ZNF92: variants seen among roughly 807,000 people sequenced by gnomAD.
The protein encoded by ZNF92 is zinc finger protein 92, also known as epididymis luminal protein 203.
A neutral mutation model predicts 12.4 loss-of-function variants in ZNF92; 11 were observed. The observed-to-expected ratio is 0.89, with a 90% CI of 0.56 to 1.47. The LOEUF (loss-of-function observed/expected upper bound fraction) is 1.47. ZNF92 is among the 40% of genes most tolerant of loss of function. The pLI, the probability that ZNF92 is intolerant of heterozygous loss-of-function variation, is 0.00. For synonymous variants in ZNF92, 206 were observed against 228.6 expected, an observed-to-expected ratio of 0.90 and a Z score of 0.89; for missense variants, 622 against 681.0, an observed-to-expected ratio of 0.91 and a Z score of 0.96.
intron 1 of ZNF92, among the ~76,000 whole-genome samples, chr7:65,384,634 A>G (rs1793513584): frequency 6.6e-6 from 1 of 152,174 alleles, no homozygotes; most frequent in Non-Finnish European, 1.5e-5. Flanking sequence ...TCCACAAGCC[A>G]CAAACAAGTA....
rs531340809 is a variant in ZNF92 at position 65,395,823 on chromosome 7, A to G, written c.227-2518A>G. Among the ~76,000 whole-genome samples the G allele has an allele frequency of 1.1e-4, 17 of 152,262 alleles. 1 individual carries two copies. Among genetic ancestry groups the G allele is most frequent in the African/African-American group, 4.1e-4 (17 of 41,560 alleles). On this transcript the variant is annotated intron_variant, in intron 3 of 3. Coordinates refer to ENST00000328747, the MANE Select transcript of ZNF92 (RefSeq NM_152626.4). ...TCACCCAATTGTGGTTGCAATTTGT[A>G]TAGATATAGATCTTTTTCATTCTGT...
chr7:65,387,186 C>T (rs566476006), intron 1 of ZNF92, among the ~76,000 whole-genome samples: 175 of 151,860 alleles, frequency 1.2e-3, no homozygotes, highest in African/African-American at 4.1e-3. Context: ...AGGTGATCCG[C>T]CCACCGCAGC....
At chr7:65,398,182 AT>A (rs1263962119) in intron 3 of ZNF92, among the ~76,000 whole-genome samples, 158 bp from the exon 4 acceptor site, 1 of 152,028 alleles carries the variant, frequency 6.6e-6, no homozygotes. Context: ...TGGTCAGTAT[AT>A]TTTTGTTACA....
chr7:65,381,408 G>A (rs1442831808), intron 1 of ZNF92, among the ~76,000 whole-genome samples: 1 of 151,552 alleles, frequency 6.6e-6, no homozygotes, highest in African/African-American at 2.4e-5. Flanking sequence ...TATGGATTCT[G>A]GATATTAGAC....
rs1319383834 is a variant in ZNF92, at chr7:65,398,785, C to T, written c.671C>T (p.Thr224Ile). ...CTTACTAAACATAAGATAATTCATA[C>T]TGGAGAAAAACCCTACAAATGTGAA... ...STLTKHKIIH[T>I]GEKPYKCEEC... Residue 224 changes from threonine (T) to isoleucine (I), a missense_variant, in exon 4 of 4, where the codon ACT becomes ATT. Coordinates refer to ENST00000328747, the MANE Select transcript of ZNF92 (RefSeq NM_152626.4). 6.2e-7 allele frequency: 1 copy of T among 1,613,084 alleles called. No individual in the cohort carries two copies. The highest frequency in any genetic ancestry group is 1.7e-5 in the Admixed American group (1 of 60,002).
At chr7:65,383,216 T>A (rs1283196192) in intron 1 of ZNF92, among the ~76,000 whole-genome samples, 1 of 152,152 alleles carries the variant, frequency 6.6e-6, no homozygotes, top group Non-Finnish European at 1.5e-5. Flanking sequence ...GTGAACTGTC[T>A]ACTTACATTT....
In ZNF92 at chr7:65,399,819, T is replaced by G. The variant is rs780973031; in HGVS notation, c.1705T>G (p.Cys569Gly). The change falls in exon 4 of 4, where the codon TGT (cysteine) becomes GGT (glycine). Residue 569 changes from cysteine to glycine, a missense_variant. By Grantham distance (159) the Cys-to-Gly change is radical (BLOSUM62 -3). Coordinates refer to ENST00000328747, the MANE Select transcript of ZNF92 (RefSeq NM_152626.4). ...YTGEKPCKHE[C>G]GRAFNKSSNY... is the part of the protein sequence containing the mutation. ...TGGAGAGAAACCCTGCAAACATGAA[T>G]GTGGCAGAGCCTTTAACAAATCCTC... The G allele has an allele frequency of 6.2e-7, 1 of 1,610,454 alleles. No individual in the cohort carries two copies. The highest frequency in any genetic ancestry group is 1.3e-5 in the African/African-American group (1 of 74,816).
chr7:65,388,026 T>C lies in ZNF92; in HGVS notation c.128T>C (p.Leu43Pro), dbSNP rs775199433. 6.2e-7 allele frequency: 1 copy of C among 1,603,874 alleles called. No individual in the cohort carries two copies. The highest frequency in any genetic ancestry group is 8.5e-7 in the Non-Finnish European group (1 of 1,175,228). The change falls in exon 2 of 4, where the codon CTT becomes CCT. Residue 43 changes from leucine to proline, a missense_variant and splice_region_variant. Leu to Pro is a moderately conservative substitution (Grantham distance 98). Transcript: ENST00000328747. ...GAGAACTACAGAAACCTGGTCTTCCTTGGTGAGGATAACTTCAATACACAA... is the reference window on the plus strand; with the variant it reads ...GAGAACTACAGAAACCTGGTCTTCCCTGGTGAGGATAACTTCAATACACAA... Reference protein sequence around the residue: ...MLENYRNLVFLGIAVSKPDLI... With the variant: ...MLENYRNLVFPGIAVSKPDLI...
intron 1 of ZNF92, among the ~76,000 whole-genome samples, chr7:65,378,558 T>C (rs1471008553): frequency 2.0e-5 from 3 of 151,406 alleles, no homozygotes; most frequent in Non-Finnish European, 2.9e-5. Context: ...CTGGCTAACA[T>C]GGTGATACTC....
Position 65,399,222 on chromosome 7 carries a change from A to G in ZNF92, c.1108A>G (p.Lys370Glu). ...AATTCATACTGGAGAGAAACCCTAC[A>G]AATGTGATGAATGTGGCAAAGCCTT... Reference protein sequence around the residue: ...KIIHTGEKPYKCDECGKAFNQ... With the variant: ...KIIHTGEKPYECDECGKAFNQ... The change falls in exon 4 of 4, where the codon AAA becomes GAA. Residue 370 changes from lysine to glutamate, a missense_variant. Physicochemically the swap from Lys to Glu is moderately conservative, Grantham distance 56 (BLOSUM62 1). Coordinates refer to ENST00000328747, the MANE Select transcript of ZNF92 (RefSeq NM_152626.4). The G allele has an allele frequency of 1.2e-6, 2 of 1,613,292 alleles. No homozygotes were observed. Among genetic ancestry groups the G allele is most frequent in the Middle Eastern group, 1.7e-4 (1 of 6,058 alleles).
rs1397939575 is a variant in ZNF92, at chr7:65,381,202, CGG to C, written c.4-6696_4-6695del. Among the ~76,000 whole-genome samples the C allele has an allele frequency of 1.6e-4, 25 of 151,610 alleles. No homozygotes were observed. In the East Asian group the frequency reaches 4.7e-3, roughly 28 times the overall value. ...ATTTTTGTATTTTTTTTAGTAGAGA[CGG>C]GGGTTTCACCATATTGGCCAGGCTG... On this transcript the variant is annotated intron_variant, in intron 1 of 3. Transcript: ENST00000328747.
chr7:65,395,715 G>A (rs952072638), intron 3 of ZNF92, among the ~76,000 whole-genome samples: 3 of 151,998 alleles, frequency 2.0e-5, no homozygotes, highest in African/African-American at 7.3e-5. Context: ...AAATTGACCC[G>A]TTTTACAATT....
At chr7:65,383,197 T>G (rs1000762180) in intron 1 of ZNF92, among the ~76,000 whole-genome samples, 1 of 152,134 alleles carries the variant, frequency 6.6e-6, no homozygotes, top group Admixed American at 6.6e-5. Context: ...ATCTTCAAGC[T>G]TGGCCCAAGT....
chr7:65,391,571 A>G (rs1793709253), intron 3 of ZNF92, among the ~76,000 whole-genome samples: 1 of 152,144 alleles, frequency 6.6e-6, no homozygotes, highest in Non-Finnish European at 1.5e-5. Flanking sequence ...AAGTAATAAC[A>G]TAATGTATCC....
intron 1 of ZNF92, among the ~76,000 whole-genome samples, chr7:65,378,691 G>A (rs1004181465): frequency 2.0e-5 from 3 of 150,676 alleles, no homozygotes; most frequent in Non-Finnish European, 4.4e-5. Context: ...GCGGTGAGCC[G>A]AGATCGTGCC....
At chr7:65,382,248 C>T (rs1324179847) in intron 1 of ZNF92, among the ~76,000 whole-genome samples, 2 of 151,816 alleles carry the variant, frequency 1.3e-5, no homozygotes, top group South Asian at 2.1e-4. Flanking sequence ...GATTGTGATG[C>T]GTGTCACATT....
intron 1 of ZNF92, among the ~76,000 whole-genome samples, chr7:65,387,393 C>G (rs1000301266): frequency 2.0e-5 from 3 of 151,774 alleles, no homozygotes; most frequent in Admixed American, 1.3e-4. Flanking sequence ...CTGGGAAAAC[C>G]CACACTCCTC....
Position 65,399,454 on chromosome 7 carries a change from A to G in ZNF92, c.1340A>G (p.His447Arg). The change falls in exon 4 of 4, where the codon CAT becomes CGT. Residue 447 changes from histidine to arginine, a missense_variant. Transcript: ENST00000328747. ...GCTTTTACTAAACATAAGAGAAATCATATGGAAGATAAACCCTACAAATGT... is the reference window on the plus strand; with the variant it reads ...GCTTTTACTAAACATAAGAGAAATCGTATGGAAGATAAACCCTACAAATGT... ...SSAFTKHKRN[H>R]MEDKPYKCEE... 6.2e-7 allele frequency: 1 copy of G among 1,613,668 alleles called. No homozygotes were observed.
chr7:65,398,776 T>C lies in ZNF92; in HGVS notation c.662T>C (p.Ile221Thr), dbSNP rs1226213394. Residue 221 changes from isoleucine (I) to threonine (T), a missense_variant, in exon 4 of 4, where the codon ATA (isoleucine) becomes ACA (threonine). Ile to Thr is a moderately conservative substitution (Grantham distance 89). Transcript: ENST00000328747. The stretch of plus-strand genomic sequence containing the variant: ...TCCTCAACCCTTACTAAACATAAGA[T>C]AATTCATACTGGAGAAAAACCCTAC... ...NWSSTLTKHK[I>T]IHTGEKPYKC... 4.3e-6 allele frequency: 7 copies of C among 1,612,698 alleles called. No homozygotes were observed. Among genetic ancestry groups the C allele is most frequent in the Non-Finnish European group, 5.9e-6 (7 of 1,179,620 alleles).
Sources: gnomAD v4.1 joint callset for allele counts (sites outside exome capture counted in the v4.1 genomes callset) on GRCh38, gnomAD v4.1.1 for gene constraint, MANE v1.5 for transcripts, NCBI Gene and HGNC (gene_info 2026-07-23, HGNC 2026-07-21) for gene names.